GRIK4: variants seen among roughly 807,000 people sequenced by gnomAD.
GRIK4 encodes glutamate receptor ionotropic, kainate 4.
GRIK4 carries 40 observed loss-of-function variants against 104.9 expected under a neutral mutation model. The observed-to-expected ratio is 0.38, with a 90% CI of 0.30 to 0.50. The LOEUF (loss-of-function observed/expected upper bound fraction) is 0.50. GRIK4 is among the 20% of genes least tolerant of loss of function. The pLI is 0.93. For missense variants in GRIK4, 1,047 were observed against 1,308.1 expected (o/e 0.80, Z 3.08); for synonymous variants, 485 against 524.9 (o/e 0.92, Z 1.04).
chr11:120,885,542 C>T (rs536649981), intron 11 of GRIK4, among the ~76,000 whole-genome samples: 26 of 152,260 alleles, frequency 1.7e-4, no homozygotes, highest in African/African-American at 5.3e-4. Flanking sequence ...CCTACCACCA[C>T]GGCTGGCTAA....
At chr11:120,969,512 G>A (rs959184738) in intron 19 of GRIK4, among the ~76,000 whole-genome samples, 2 of 152,114 alleles carry the variant, frequency 1.3e-5, no homozygotes, top group African/African-American at 4.8e-5. Context: ...GTTGGGTTGT[G>A]TAATGGGTTT....
intron 16 of GRIK4, among the ~76,000 whole-genome samples, chr11:120,958,648 C>T (rs774722901): frequency 2.0e-5 from 3 of 152,234 alleles, no homozygotes; most frequent in Non-Finnish European, 2.9e-5. Context: ...ACTGAGCCCT[C>T]CGGAAGCGGG....
intron 3 of GRIK4, among the ~76,000 whole-genome samples, chr11:120,793,945 A>C (rs930750395): frequency 6.9e-6 from 1 of 143,934 alleles, no homozygotes; most frequent in Non-Finnish European, 1.5e-5. Flanking sequence ...GAGCAGGTAG[A>C]TGGTTTGAGG....
chr11:120,622,977 G>A (rs1023184412), intron 1 of GRIK4, among the ~76,000 whole-genome samples: 1 of 152,198 alleles, frequency 6.6e-6, no homozygotes, highest in Non-Finnish European at 1.5e-5. Flanking sequence ...GAGGTTCTGG[G>A]AGTTAGGTCA....
At chr11:120,658,767 G>C (rs74735797) in intron 2 of GRIK4, among the ~76,000 whole-genome samples, 1 of 54,496 alleles carries the variant, frequency 1.8e-5, no homozygotes, top group African/African-American at 7.4e-5. Flanking sequence ...TTTTTTTTTT[G>C]AGACGGAGTC....
rs931158385 is a variant in GRIK4 at position 120,953,703 on chromosome 11, C to T, written c.1700+739C>T. On this transcript the variant is annotated intron_variant, in intron 15 of 20. Transcript: ENST00000527524. The surrounding 1 kb of genome is among the most constrained non-coding windows in gnomAD (Gnocchi z 4.9). ...CTGAGGAGCAGCCTGAGGCTGTGGC[C>T]TCCCAAGACTGTGCACAGCAAAGGT... Among the ~76,000 whole-genome samples the T allele has an allele frequency of 6.6e-6, 1 of 152,224 alleles. No homozygotes were observed. The highest frequency in any genetic ancestry group is 2.4e-5 in the African/African-American group (1 of 41,456).
intron 7 of GRIK4, among the ~76,000 whole-genome samples, chr11:120,835,431 G>A (rs1360799940): frequency 6.6e-6 from 1 of 152,220 alleles, no homozygotes; most frequent in Admixed American, 6.5e-5. Flanking sequence ...GGCAGCCTGA[G>A]GCAGGAGAAT....
rs187093479 is a variant in GRIK4 at position 120,864,111 on chromosome 11, T to C, written c.906+1991T>C. The stretch of plus-strand genomic sequence containing the variant: ...AGGGACATCTCAAAGCACAGTGTCA[T>C]GTGCAGGATCAGACTCAACCCCTAG... On this transcript the variant is annotated intron_variant, in intron 9 of 20. Transcript: ENST00000527524. 7.9e-5 allele frequency among the ~76,000 whole-genome samples: 12 copies of C among 152,310 alleles called. No individual in the cohort carries two copies. In the East Asian group the frequency reaches 1.2e-3, roughly 15 times the overall value.
intron 1 of GRIK4, among the ~76,000 whole-genome samples, chr11:120,596,522 G>A (rs1948803147): frequency 6.6e-6 from 1 of 152,182 alleles, no homozygotes; most frequent in East Asian, 1.9e-4. Context: ...CAAAGGGGAA[G>A]GATGGATGTC....
intron 1 of GRIK4, among the ~76,000 whole-genome samples, chr11:120,552,893 G>A (rs182896011): frequency 1.1e-3 from 162 of 152,092 alleles, no homozygotes; most frequent in Non-Finnish European, 1.7e-3. Context: ...CCAGCTACTC[G>A]GGAGGCTGAG....
intron 5 of GRIK4, among the ~76,000 whole-genome samples, chr11:120,816,547 G>T (rs1952965890): frequency 6.6e-6 from 1 of 152,064 alleles, no homozygotes; most frequent in African/African-American, 2.4e-5. Flanking sequence ...GGAGGGACTG[G>T]ATGCCTCCTC....
At chr11:120,793,674 A>G (rs1189726467) in intron 3 of GRIK4, among the ~76,000 whole-genome samples, 3 of 150,774 alleles carry the variant, frequency 2.0e-5, no homozygotes, top group Non-Finnish European at 4.4e-5. Context: ...AGGGGCTGAG[A>G]GTAGGGTGAC....
intron 3 of GRIK4, among the ~76,000 whole-genome samples, chr11:120,748,726 C>CCCTCCCTGGT (rs1265857672): frequency 1.3e-5 from 2 of 152,174 alleles, no homozygotes; most frequent in Admixed American, 1.3e-4. Context: ...CTCTGTAAAG[C>CCCTCCCTGGT]CCTCCCTGGT....
intron 3 of GRIK4, among the ~76,000 whole-genome samples, chr11:120,693,771 A>G (rs576419678): frequency 6.6e-6 from 1 of 152,222 alleles, no homozygotes; most frequent in East Asian, 1.9e-4. Flanking sequence ...ATGAAGGAGG[A>G]GGCATAAATA....
At chr11:120,877,126 G>A (rs141242428) in intron 11 of GRIK4, among the ~76,000 whole-genome samples, 2,134 of 152,306 alleles carry the variant, frequency 0.014, 43 homozygotes, top group African/African-American at 0.047. Flanking sequence ...GAAAGGCCTC[G>A]TATCTCTGGG....
intron 19 of GRIK4, among the ~76,000 whole-genome samples, chr11:120,973,773 A>G (rs1944514264): frequency 6.6e-6 from 1 of 152,260 alleles, no homozygotes; most frequent in Admixed American, 6.5e-5. Flanking sequence ...AGTAAGAAGC[A>G]CTAGCCCGAA....
At chr11:120,571,048 T>C (rs1227393055) in intron 1 of GRIK4, among the ~76,000 whole-genome samples, 3 of 152,170 alleles carry the variant, frequency 2.0e-5, no homozygotes, top group Admixed American at 6.5e-5. Flanking sequence ...TCAGCCCCTG[T>C]GTCTTGGAGC....
chr11:120,592,294 A>G (rs1168889363), intron 1 of GRIK4, among the ~76,000 whole-genome samples: 1 of 152,216 alleles, frequency 6.6e-6, no homozygotes, highest in South Asian at 2.1e-4. Context: ...GCGGAAGTCC[A>G]TGGGGAAATG....
chr11:120,965,672 G>C (rs1944371923), intron 18 of GRIK4, among the ~76,000 whole-genome samples: 1 of 152,202 alleles, frequency 6.6e-6, no homozygotes. Context: ...TGTCACAGTT[G>C]GAAGAGATCT....
Sources: allele counts gnomAD v4.1 joint callset (sites outside exome capture counted in the v4.1 genomes callset), GRCh38; gene constraint gnomAD v4.1.1; non-coding constraint Gnocchi (gnomAD v3.1); transcripts MANE v1.5; gene names NCBI Gene and HGNC (gene_info 2026-07-23, HGNC 2026-07-21).